Variants in RBFOX1 observed in about 807,000 individuals in gnomAD.
RBFOX1 encodes RNA binding fox-1 homolog 1.
A neutral mutation model predicts 57.7 loss-of-function variants in RBFOX1; 8 were observed. That is an observed-to-expected ratio of 0.14 (90% CI 0.08 to 0.25). The LOEUF (loss-of-function observed/expected upper bound fraction) is 0.25, where lower values mean the gene tolerates loss of function less well. Ranked by LOEUF, RBFOX1 falls within the 10% of genes least tolerant of loss-of-function variation. The pLI, the probability that RBFOX1 is intolerant of heterozygous loss-of-function variation, is 1.00. For synonymous variants in RBFOX1, 326 were observed against 222.4 expected, an observed-to-expected ratio of 1.47 and a Z score of -4.15; for missense variants, 611 against 548.5, an observed-to-expected ratio of 1.11 and a Z score of -1.14.
At chr16:7,270,533 C>G (rs2095292681) in intron 4 of RBFOX1, among the ~76,000 whole-genome samples, 1 of 152,180 alleles carries the variant, frequency 6.6e-6, no homozygotes, top group African/African-American at 2.4e-5. Context: ...TTCAGACCTT[C>G]TTGCAATGCA....
intron 2 of RBFOX1, among the ~76,000 whole-genome samples, chr16:6,651,244 TC>T (rs1477717237): frequency 2.0e-5 from 3 of 152,176 alleles, no homozygotes; most frequent in Non-Finnish European, 4.4e-5. Flanking sequence ...ACCCTGCACA[TC>T]CATGCCCTCC....
intron 3 of RBFOX1, among the ~76,000 whole-genome samples, chr16:6,874,792 G>A (rs1006030812): frequency 1.3e-5 from 2 of 151,974 alleles, no homozygotes; most frequent in African/African-American, 4.8e-5. Flanking sequence ...GTGGGAGGTG[G>A]GTGAGGGATA....
chr16:6,603,807 C>T (rs2097887645), intron 2 of RBFOX1, among the ~76,000 whole-genome samples: 1 of 152,072 alleles, frequency 6.6e-6, no homozygotes, highest in South Asian at 2.1e-4. Context: ...ATTTCTCGTC[C>T]TGCTGTTTGG....
chr16:7,083,973 G>A (rs1279922292), intron 4 of RBFOX1, among the ~76,000 whole-genome samples: 1 of 152,026 alleles, frequency 6.6e-6, no homozygotes, highest in East Asian at 1.9e-4. Flanking sequence ...AGAGCTGTTT[G>A]CCCCGCTCAC....
At chr16:6,010,943 G>A (rs1054115748) in intron 4 of RBFOX1, among the ~76,000 whole-genome samples, 2 of 152,078 alleles carry the variant, frequency 1.3e-5, no homozygotes, top group African/African-American at 4.8e-5. Flanking sequence ...TGTAAATTAT[G>A]TGACTATAAT....
chr16:7,192,918 C>A (rs1378936409), intron 4 of RBFOX1, among the ~76,000 whole-genome samples: 1 of 152,196 alleles, frequency 6.6e-6, no homozygotes, highest in Admixed American at 6.5e-5. Flanking sequence ...CTTCTGAGAA[C>A]AATGTAAAAA....
chr16:5,872,249 C>G (rs536334424), intron 4 of RBFOX1, among the ~76,000 whole-genome samples: 9 of 152,110 alleles, frequency 5.9e-5, no homozygotes, highest in Non-Finnish European at 1.3e-4. Flanking sequence ...GCTGTTTCAT[C>G]AAGAAGGTTA....
At chr16:6,588,033 C>G (rs1006278716) in intron 2 of RBFOX1, among the ~76,000 whole-genome samples, 1 of 151,786 alleles carries the variant, frequency 6.6e-6, no homozygotes, top group Admixed American at 6.6e-5. Flanking sequence ...AGTTTGAGAC[C>G]AGCCTGGCCA....
intron 1 of RBFOX1, among the ~76,000 whole-genome samples, chr16:6,243,545 C>T (rs989004463): frequency 6.6e-6 from 1 of 152,146 alleles, no homozygotes; most frequent in Admixed American, 6.5e-5. Flanking sequence ...ACAGTCAGTC[C>T]TCGTTCAGCA....
At chr16:5,670,788 C>G (rs1417966886) in intron 3 of RBFOX1, among the ~76,000 whole-genome samples, 1 of 152,206 alleles carries the variant, frequency 6.6e-6, no homozygotes, top group East Asian at 1.9e-4. Flanking sequence ...GTGTATCAAC[C>G]ATAAACCCAA....
chr16:5,452,932 A>G (rs1461729155), intron 1 of RBFOX1, among the ~76,000 whole-genome samples: 2 of 152,126 alleles, frequency 1.3e-5, no homozygotes, highest in Non-Finnish European at 2.9e-5. Context: ...ACGCTCTGCG[A>G]AACCTTGACT....
intron 2 of RBFOX1, among the ~76,000 whole-genome samples, chr16:6,420,808 T>C (rs896753538): frequency 5.9e-5 from 9 of 152,170 alleles, no homozygotes; most frequent in Admixed American, 4.6e-4. Flanking sequence ...ATTGGGGAAA[T>C]GAAGAAGACT....
chr16:6,045,674 C>A (rs1013048433), intron 1 of RBFOX1, among the ~76,000 whole-genome samples: 1 of 152,118 alleles, frequency 6.6e-6, no homozygotes, highest in Non-Finnish European at 1.5e-5. Flanking sequence ...ATTAACTCAA[C>A]TAAATAAATA....
chr16:6,452,683 CATG>C (rs1288922594), intron 2 of RBFOX1, among the ~76,000 whole-genome samples: 1 of 152,204 alleles, frequency 6.6e-6, no homozygotes, highest in Non-Finnish European at 1.5e-5. Context: ...CATAAATAGA[CATG>C]ATATTTGACT....
intron 1 of RBFOX1, among the ~76,000 whole-genome samples, chr16:5,251,728 T>C (rs908109781): frequency 1.4e-4 from 21 of 149,690 alleles, no homozygotes; most frequent in African/African-American, 4.9e-4. Context: ...CTGGGGTGAT[T>C]GAAATGTTTT....
intron 4 of RBFOX1, among the ~76,000 whole-genome samples, chr16:5,944,965 A>G (rs915976007): frequency 1.5e-5 from 1 of 66,780 alleles, no homozygotes; most frequent in South Asian, 5.0e-4. Flanking sequence ...ACTCTGTCAT[A>G]AAAAAAAAAA....
At chr16:5,516,263 A>G (rs558917635) in intron 2 of RBFOX1, among the ~76,000 whole-genome samples, 5 of 152,094 alleles carry the variant, frequency 3.3e-5, no homozygotes, top group Admixed American at 6.5e-5. Flanking sequence ...TCTGTCTCCC[A>G]TTATTTCCTA....
At position 7,277,948 on chromosome 16, in the gene RBFOX1, C is replaced by CA. The variant is rs36027319; in HGVS notation, c.27+225864dup. Among the ~76,000 whole-genome samples the CA allele has an allele frequency of 6.3e-3, 841 of 134,426 alleles. 8 individuals carry two copies. The highest frequency in any genetic ancestry group is 0.021 in the African/African-American group (729 of 34,212). The allele number at this position is 134,426 out of a possible 152,430, so 88.2% of individuals were successfully genotyped here. A position where few individuals can be genotyped will look rare whatever the true frequency, so the allele number is the denominator to read the frequency against. ...AAGTCTAGTAGGAGAAAATGATTAGCAAAAAAAAAAAAAAGGTACTAAGAC... is the reference window on the plus strand; with the variant it reads ...AAGTCTAGTAGGAGAAAATGATTAGCAAAAAAAAAAAAAAAGGTACTAAGAC... On this transcript the variant is annotated intron_variant, in intron 4 of 15. Coordinates refer to ENST00000550418, the MANE Select transcript of RBFOX1 (RefSeq NM_018723.4).
At chr16:7,427,405 C>A (rs945090594) in intron 4 of RBFOX1, among the ~76,000 whole-genome samples, 23 of 152,258 alleles carry the variant, frequency 1.5e-4, no homozygotes, top group African/African-American at 5.1e-4. Context: ...AGAGCCCCTG[C>A]TGAAGTTGGA....
Sources: allele counts gnomAD v4.1 joint callset (sites outside exome capture counted in the v4.1 genomes callset), GRCh38; gene constraint gnomAD v4.1.1; transcripts MANE v1.5; gene names NCBI Gene and HGNC (gene_info 2026-07-23, HGNC 2026-07-21).